The following DNAH17 variants were observed in gnomAD, a reference collection of about 807,000 sequenced individuals.
The protein encoded by DNAH17 is dynein axonemal heavy chain 17, also known as axonemal beta dynein heavy chain 17.
A neutral mutation model predicts 485.6 loss-of-function variants in DNAH17; 376 were observed. The observed-to-expected ratio is 0.77, with a 90% confidence interval of 0.71 to 0.84. The LOEUF (loss-of-function observed/expected upper bound fraction) is 0.84. Among genes scored for constraint, DNAH17 ranks in the 40% least tolerant of loss-of-function variants. The pLI is 0.00. For synonymous variants in DNAH17, 3,031 were observed against 2,405.9 expected (o/e 1.26, Z -7.60); for missense variants, 6,370 against 5,839.3 (o/e 1.09, Z -2.96).
At position 78,575,088 on chromosome 17, in the gene DNAH17, A is replaced by G. The variant is rs746575682; in HGVS notation, c.-25-6T>C. 2 of 1,561,532 alleles carry G rather than the reference A, an allele frequency of 1.3e-6. No individual in the cohort carries two copies. Among genetic ancestry groups the G allele is most frequent in the Non-Finnish European group, 1.7e-6 (2 of 1,146,066 alleles). On this transcript the variant is annotated splice_region_variant and splice_polypyrimidine_tract_variant and intron_variant, in intron 1 of 80. Coordinates refer to ENST00000389840, the MANE Select transcript of DNAH17 (RefSeq NM_173628.4). ...CCTTTCCTTACACTGTGTATCTGTTAAGAGTGCAAGAAACAGGTACGAACT... is the reference window on the plus strand; with the variant it reads ...CCTTTCCTTACACTGTGTATCTGTTGAGAGTGCAAGAAACAGGTACGAACT...
intron 48 of DNAH17, among the ~76,000 whole-genome samples, chr17:78,481,261 CCTGG>C (rs2089337794): frequency 6.6e-6 from 1 of 151,366 alleles, no homozygotes; most frequent in Non-Finnish European, 1.5e-5. Flanking sequence ...CGCCACCATG[CCTGG>C]CTAATTTTTT....
intron 71 of DNAH17, among the ~76,000 whole-genome samples, chr17:78,442,413 G>T (rs934081470): frequency 2.0e-5 from 3 of 152,222 alleles, no homozygotes; most frequent in Non-Finnish European, 4.4e-5. Flanking sequence ...TCAGGCAAGG[G>T]TGGGGAGGAG....
intron 67 of DNAH17, 45 bp downstream of exon 67, chr17:78,450,637 T>C: frequency 6.3e-7 from 1 of 1,588,350 alleles, no homozygotes; most frequent in Non-Finnish European, 8.6e-7. Flanking sequence ...TGGCCCAGCC[T>C]CCCAAGCCCT....
At chr17:78,571,507 G>A (rs2092357135) in intron 4 of DNAH17, 83 bp downstream of exon 4, 2 of 1,537,038 alleles carry the variant, frequency 1.3e-6, no homozygotes, top group South Asian at 1.1e-5. Context: ...ACTCCTGGGA[G>A]GTTGGCACTG....
chr17:78,491,438 C>T lies in DNAH17; in HGVS notation c.6669+5G>A, dbSNP rs762566520. 19 of 1,611,840 alleles carry T rather than the reference C, an allele frequency of 1.2e-5. No individual in the cohort carries two copies. The highest frequency in any genetic ancestry group is 5.3e-5 in the African/African-American group (4 of 74,914). ...CTTGGGGCTTAGAGTCCAGGGCCCGCGAACCTTGTTGTCATCCATGACTGT... is the reference window on the plus strand; with the variant it reads ...CTTGGGGCTTAGAGTCCAGGGCCCGTGAACCTTGTTGTCATCCATGACTGT... On this transcript the variant is annotated splice_donor_5th_base_variant and intron_variant, in intron 43 of 80. Coordinates refer to ENST00000389840, the MANE Select transcript of DNAH17 (RefSeq NM_173628.4).
At position 78,428,428 on chromosome 17, in the gene DNAH17, G is replaced by T. The variant is rs374205390; in HGVS notation, c.12588+97C>A. The T allele has an allele frequency of 4.2e-6, 6 of 1,429,164 alleles. No individual in the cohort carries two copies. The African/African-American group carries it at 7.1e-5, about 17-fold the overall frequency. 88.5% of individuals were successfully genotyped at this position (1,429,164 alleles called of 1,614,324 possible). On this transcript the variant is annotated intron_variant, in intron 77 of 80. Coordinates refer to ENST00000389840, the MANE Select transcript of DNAH17 (RefSeq NM_173628.4). ...GGCTGGGGCAGAGTGTACCTCACCA[G>T]CAAGTTCCCCTGTACTGCCGCCAGT...
In DNAH17 at chr17:78,525,168, G is replaced by A; in HGVS notation, c.3712-7C>T. ...CGGAGATGCTCTTTTGTTGCTAGGG[G>A]CGGCGAGGGGGCCGTCAGTAGGGCT... On this transcript the variant is annotated splice_polypyrimidine_tract_variant and splice_region_variant and intron_variant, in intron 24 of 80. Coordinates refer to ENST00000389840, the MANE Select transcript of DNAH17 (RefSeq NM_173628.4). The A allele has an allele frequency of 6.2e-7, 1 of 1,611,068 alleles. No individual in the cohort carries two copies. The highest frequency in any genetic ancestry group is 8.5e-7 in the Non-Finnish European group (1 of 1,178,746).
At position 78,438,835 on chromosome 17, in the gene DNAH17, C is replaced by T. The variant is rs116706427; in HGVS notation, c.11805+255G>A. 6.2e-3 allele frequency among the ~76,000 whole-genome samples: 944 copies of T among 152,232 alleles called. 16 individuals carry two copies. Among genetic ancestry groups the T allele is most frequent in the African/African-American group, 0.022 (908 of 41,522 alleles). The stretch of plus-strand genomic sequence containing the variant: ...AAATAATCTCTGTTTGGGGTACTCT[C>T]GTATAAAGCCCAGCTTCCCTCTCAC... On this transcript the variant is annotated intron_variant, in intron 73 of 80. Transcript: ENST00000389840.
chr17:78,566,306 G>A (rs1178850025), intron 11 of DNAH17, among the ~76,000 whole-genome samples: 1 of 152,180 alleles, frequency 6.6e-6, no homozygotes, highest in African/African-American at 2.4e-5. Context: ...CTCCTTTTGA[G>A]TAGTGGGAAA....
At position 78,510,750 on chromosome 17, in the gene DNAH17, G is replaced by GCCCCCCCC. The variant is rs2090612882; in HGVS notation, c.4114-245_4114-244insGGGGGGGG. 2.3e-5 allele frequency: 7 copies of GCCCCCCCC among 306,156 alleles called. No homozygotes were observed. The African/African-American group carries it at 3.9e-4, about 17-fold the overall frequency. The allele number at this position is 306,156 out of a possible 1,614,324, so 19.0% of individuals were successfully genotyped here. A position where few individuals can be genotyped will look rare whatever the true frequency, so the allele number is the denominator to read the frequency against. ...ACGCACCTGCACTGGGCGGAATTGCGGCCCCCCCGCAAAATTCACATCCGC... is the reference window on the plus strand; with the variant it reads ...ACGCACCTGCACTGGGCGGAATTGCGCCCCCCCCGCCCCCCCGCAAAATTCACATCCGC... On this transcript the variant is annotated intron_variant, in intron 26 of 80. Coordinates refer to ENST00000389840, the MANE Select transcript of DNAH17 (RefSeq NM_173628.4).
Position 78,514,350 on chromosome 17 carries a change from C to T in DNAH17, c.4113+424G>A, listed in dbSNP as rs546899445. Among the ~76,000 whole-genome samples the T allele has an allele frequency of 5.9e-4, 89 of 151,818 alleles. 1 individual carries two copies. Among genetic ancestry groups the T allele is most frequent in the Admixed American group, 3.8e-3 (58 of 15,242 alleles). ...TGAAACCCCGTCTGTACTAAAAATACAAAAATTAGCTGGGTGTGGTGGTGG... is the reference window on the plus strand; with the variant it reads ...TGAAACCCCGTCTGTACTAAAAATATAAAAATTAGCTGGGTGTGGTGGTGG... On this transcript the variant is annotated intron_variant, in intron 26 of 80. Coordinates refer to ENST00000389840, the MANE Select transcript of DNAH17 (RefSeq NM_173628.4).
intron 75 of DNAH17, among the ~76,000 whole-genome samples, chr17:78,432,242 T>C (rs561283858): frequency 9.2e-5 from 14 of 152,140 alleles, no homozygotes; most frequent in Admixed American, 2.0e-4. Flanking sequence ...CTAGCCAGAC[T>C]GTTTCTCCCA....
chr17:78,529,365 T>C (rs1409711277), intron 22 of DNAH17, 107 bp downstream of exon 22: 3 of 1,098,884 alleles, frequency 2.7e-6, no homozygotes, highest in South Asian at 1.4e-5. Context: ...AGAGAGGATC[T>C]AGCCCACAGC....
At chr17:78,474,342 G>C (rs1014527286) in intron 54 of DNAH17, among the ~76,000 whole-genome samples, 1 of 152,266 alleles carries the variant, frequency 6.6e-6, no homozygotes, top group Admixed American at 6.5e-5. Flanking sequence ...TCTCAAGCAC[G>C]ATGATTCCTT....
chr17:78,424,017 C>T lies in DNAH17; in HGVS notation c.13278G>A (p.Val4426=). Residue 4426 remains valine, a synonymous_variant, in exon 81 of 81, where the codon GTG becomes GTA. Coordinates refer to ENST00000389840, the MANE Select transcript of DNAH17 (RefSeq NM_173628.4). Reference sequence around the variant, plus strand: ...TGGGGCCGCGGATGCGTGTTTTGTACACGGGACACTCATAGATGTTCTTGG... The same window carrying T: ...TGGGGCCGCGGATGCGTGTTTTGTATACGGGACACTCATAGATGTTCTTGG... ...METKNIYECP[V]YKTRIRGPTY... 4 of 1,614,038 alleles carry T rather than the reference C, an allele frequency of 2.5e-6. No homozygotes were observed. Among genetic ancestry groups the T allele is most frequent in the Non-Finnish European group, 3.4e-6 (4 of 1,179,908 alleles).
chr17:78,498,457 C>T (rs1255048837), intron 37 of DNAH17, among the ~76,000 whole-genome samples: 2 of 152,236 alleles, frequency 1.3e-5, no homozygotes, highest in African/African-American at 4.8e-5. Context: ...AATGCTCCTC[C>T]TAACAAGTGG....
At chr17:78,533,192 C>T (rs1248834715) in intron 19 of DNAH17, 1 of 189,518 alleles carries the variant, frequency 5.3e-6, no homozygotes, top group African/African-American at 2.3e-5. Flanking sequence ...ATAGCTCGCT[C>T]TCACTGCGTA....
chr17:78,553,574 G>A lies in DNAH17; in HGVS notation c.2179-769C>T, dbSNP rs59208386. On this transcript the variant is annotated intron_variant, in intron 14 of 80. Coordinates refer to ENST00000389840, the MANE Select transcript of DNAH17 (RefSeq NM_173628.4). ...ACCTTGGCCTCTCAAAGTCCCAGGT[G>A]TCAAGTATTTCTTTATAGCAATGTA... 2.6e-3 allele frequency among the ~76,000 whole-genome samples: 396 copies of A among 151,978 alleles called. 2 individuals carry two copies. Among genetic ancestry groups the A allele is most frequent in the African/African-American group, 9.1e-3 (379 of 41,462 alleles).
At chr17:78,478,974 T>G (rs191073951) in intron 51 of DNAH17, 51 bp downstream of exon 51, 20 of 1,512,262 alleles carry the variant, frequency 1.3e-5, no homozygotes, top group Non-Finnish European at 1.7e-5. Context: ...CACCTGTGGA[T>G]CAGGCACTGG....
Sources: gnomAD v4.1 joint callset for allele counts (sites outside exome capture counted in the v4.1 genomes callset) on GRCh38, gnomAD v4.1.1 for gene constraint, MANE v1.5 for transcripts, NCBI Gene and HGNC (gene_info 2026-07-23, HGNC 2026-07-21) for gene names.